The following MRC1 variants were observed in gnomAD, a reference collection of about 807,000 sequenced individuals.
MRC1 encodes macrophage mannose receptor 1.
A neutral mutation model predicts 102.9 loss-of-function variants in MRC1; 62 were observed. The observed-to-expected ratio is 0.60, with a 90% CI of 0.49 to 0.74. The LOEUF is 0.74. MRC1 is among the 30% of genes least tolerant of loss of function. The pLI, the probability that MRC1 is intolerant of heterozygous loss-of-function variation, is 0.00. For missense variants in MRC1, 1,237 were observed against 862.8 expected (o/e 1.43, Z -5.43); for synonymous variants, 457 against 298.4 (o/e 1.53, Z -5.48).
At chr10:17,858,873 C>T (rs1833137822) in intron 9 of MRC1, among the ~76,000 whole-genome samples, 3 of 152,210 alleles carry the variant, frequency 2.0e-5, no homozygotes. Context: ...GAAAGTGACC[C>T]ATCATTAGTT....
At chr10:17,838,505 G>A (rs1293947586) in intron 4 of MRC1, among the ~76,000 whole-genome samples, 1 of 151,452 alleles carries the variant, frequency 6.6e-6, no homozygotes, top group South Asian at 2.1e-4. Flanking sequence ...TTCCCCGATG[G>A]TTTTTACCAG....
chr10:17,883,152 G>C (rs1833541979), intron 21 of MRC1, among the ~76,000 whole-genome samples: 1 of 152,162 alleles, frequency 6.6e-6, no homozygotes, highest in Non-Finnish European at 1.5e-5. Flanking sequence ...TTTAGAGATA[G>C]GGTCTCGCTT....
At chr10:17,815,684 T>C (rs1200911133) in intron 1 of MRC1, among the ~76,000 whole-genome samples, 1 of 152,226 alleles carries the variant, frequency 6.6e-6, no homozygotes, top group Non-Finnish European at 1.5e-5. Flanking sequence ...ACTGGGTTCA[T>C]ATTATGTACT....
At chr10:17,859,318 G>T (rs1833143799) in intron 9 of MRC1, among the ~76,000 whole-genome samples, 1 of 151,888 alleles carries the variant, frequency 6.6e-6, no homozygotes, top group South Asian at 2.1e-4. Flanking sequence ...CATATGGCTT[G>T]TTGTTGTTGT....
chr10:17,856,513 C>G (rs1833095451), intron 9 of MRC1, among the ~76,000 whole-genome samples, 161 bp downstream of exon 9: 1 of 152,064 alleles, frequency 6.6e-6, no homozygotes, highest in Non-Finnish European at 1.5e-5. Context: ...CACTGTTCTC[C>G]TTAAAGTTTT....
intron 4 of MRC1, among the ~76,000 whole-genome samples, chr10:17,836,861 TA>T (rs1289660450): frequency 5.3e-5 from 8 of 151,380 alleles, no homozygotes; most frequent in Non-Finnish European, 1.5e-5. Context: ...AATAAAAATT[TA>T]AAAAAAAAGG....
intron 28 of MRC1, among the ~76,000 whole-genome samples, chr10:17,908,186 CCT>C (rs1833921662): frequency 6.6e-6 from 1 of 152,164 alleles, no homozygotes; most frequent in Non-Finnish European, 1.5e-5. Flanking sequence ...TCACAAGGTG[CCT>C]CTATCTGGAA....
At chr10:17,877,122 A>G (rs1273181308) in intron 17 of MRC1, among the ~76,000 whole-genome samples, 1 of 149,298 alleles carries the variant, frequency 6.7e-6, no homozygotes, top group African/African-American at 2.4e-5. Context: ...ATATAGTGAA[A>G]TGGTACATTA....
chr10:17,893,543 C>T (rs1833710839), intron 22 of MRC1, among the ~76,000 whole-genome samples: 1 of 152,090 alleles, frequency 6.6e-6, no homozygotes, highest in Non-Finnish European at 1.5e-5. Flanking sequence ...ATGTGTTTCT[C>T]TTACCTCTAC....
intron 11 of MRC1, 37 bp from the exon 12 acceptor site, chr10:17,866,525 C>T: frequency 5.1e-6 from 4 of 780,862 alleles, no homozygotes; most frequent in Middle Eastern, 2.3e-4. Flanking sequence ...TCAGCAGGCA[C>T]CTGTCAAGTG....
intron 1 of MRC1, among the ~76,000 whole-genome samples, chr10:17,816,572 A>G (rs1226670541): frequency 2.0e-5 from 3 of 152,274 alleles, no homozygotes; most frequent in East Asian, 3.9e-4. Flanking sequence ...AATTTGTGCC[A>G]TGTTTGAGCC....
At chr10:17,878,008 G>T in intron 18 of MRC1, 41 bp downstream of exon 18, 1 of 867,008 alleles carries the variant, frequency 1.2e-6, no homozygotes, top group Non-Finnish European at 2.0e-6. Context: ...TTGGGTTAGT[G>T]TTCTGACCAA....
chr10:17,854,725 G>A, intron 8 of MRC1: 1 of 228,010 alleles, frequency 4.4e-6, no homozygotes, highest in Non-Finnish European at 8.8e-6. Context: ...TTTTGCTCTT[G>A]CTGCCCAGGC....
At chr10:17,828,146 C>G (rs1026125578) in intron 3 of MRC1, among the ~76,000 whole-genome samples, 1 of 152,128 alleles carries the variant, frequency 6.6e-6, no homozygotes. Flanking sequence ...GTGCGATCTC[C>G]ACTCACTGCA....
chr10:17,889,003 G>A (rs937452956), intron 22 of MRC1, among the ~76,000 whole-genome samples: 22 of 152,264 alleles, frequency 1.4e-4, no homozygotes, highest in Admixed American at 5.2e-4. Context: ...TTGTCCGCTA[G>A]ATCATTACGT....
At chr10:17,880,754 A>G (rs1833502195) in intron 20 of MRC1, 84 bp downstream of exon 20, 1 of 774,782 alleles carries the variant, frequency 1.3e-6, no homozygotes, top group African/African-American at 1.7e-5. Flanking sequence ...AACTTTTGCT[A>G]GCCTCATTAC....
At chr10:17,837,313 T>A (rs1838681937) in intron 4 of MRC1, among the ~76,000 whole-genome samples, 1 of 152,190 alleles carries the variant, frequency 6.6e-6, no homozygotes, top group Non-Finnish European at 1.5e-5. Flanking sequence ...TTCCTGCCTT[T>A]CTTTAAGTAA....
chr10:17,871,282 T>A (rs1216263064), intron 14 of MRC1, among the ~76,000 whole-genome samples: 2 of 152,216 alleles, frequency 1.3e-5, no homozygotes, highest in African/African-American at 4.8e-5. Flanking sequence ...CAGTTCTACC[T>A]CTTAATTTCA....
Position 17,870,853 on chromosome 10 carries a change from G to T in MRC1, c.2117G>T (p.Ser706Ile). Residue 706 changes from serine to isoleucine, a missense_variant, in exon 14 of 30, where the codon AGT (serine) becomes ATT (isoleucine). Ser to Ile is a moderately radical substitution (Grantham distance 142, BLOSUM62 -2). Transcript: ENST00000569591. ...TTATGTTTTGGATTTCATAGAGCTA[G>T]TGGAAGCTACCACAAACTGTTTTGG... ...QQTIWRLITA[S>I]GSYHKLFWLG... 2 of 872,432 alleles carry T rather than the reference G, an allele frequency of 2.3e-6. No homozygotes were observed. Among genetic ancestry groups the T allele is most frequent in the Non-Finnish European group, 4.0e-6 (2 of 501,252 alleles). The allele number at this position is 872,432 out of a possible 1,614,324, so 54.0% of individuals were successfully genotyped here.
Sources: gnomAD v4.1 joint callset for allele counts (sites outside exome capture counted in the v4.1 genomes callset) on GRCh38, gnomAD v4.1.1 for gene constraint, MANE v1.5 for transcripts, NCBI Gene and HGNC (gene_info 2026-07-23, HGNC 2026-07-21) for gene names.